Variants in UNC5D observed in about 807,000 individuals in gnomAD.
UNC5D encodes the protein netrin receptor UNC5D.
UNC5D carries 39 observed loss-of-function variants against 105.4 expected under a neutral mutation model. That is an observed-to-expected ratio of 0.37 (90% CI 0.29 to 0.48). UNC5D has a LOEUF of 0.48. Ranked by LOEUF, UNC5D falls within the 20% of genes least tolerant of loss-of-function variation. The pLI, the probability that UNC5D is intolerant of heterozygous loss-of-function variation, is 0.98. For missense variants in UNC5D, 991 were observed against 1,202.4 expected (o/e 0.82, Z 2.60); for synonymous variants, 452 against 450.4 (o/e 1.00, Z -0.04).
chr8:35,630,664 A>T (rs539147836), intron 4 of UNC5D, among the ~76,000 whole-genome samples: 1 of 152,114 alleles, frequency 6.6e-6, no homozygotes, highest in African/African-American at 2.4e-5. Flanking sequence ...ATACCCTCCA[A>T]TCAAATTTTC....
intron 1 of UNC5D, among the ~76,000 whole-genome samples, chr8:35,501,529 A>T (rs1006080703): frequency 1.3e-5 from 2 of 152,240 alleles, no homozygotes; most frequent in African/African-American, 2.4e-5. Flanking sequence ...GTCAAAGCTT[A>T]GCTGAAGATG....
intron 3 of UNC5D, among the ~76,000 whole-genome samples, chr8:35,593,552 A>C (rs1819309107): frequency 6.6e-6 from 1 of 152,192 alleles, no homozygotes; most frequent in Non-Finnish European, 1.5e-5. Flanking sequence ...GTTGGAGACC[A>C]GACTGGGCAA....
intron 4 of UNC5D, among the ~76,000 whole-genome samples, chr8:35,603,351 T>C (rs997152656): frequency 1.3e-5 from 2 of 152,182 alleles, no homozygotes; most frequent in Non-Finnish European, 2.9e-5. Flanking sequence ...AGTTGAGCAG[T>C]TTTGAGTGAG....
chr8:35,549,263 G>C, intron 1 of UNC5D, 29 bp from the exon 2 acceptor site: 2 of 1,609,352 alleles, frequency 1.2e-6, no homozygotes, highest in East Asian at 4.5e-5. Flanking sequence ...AATGTAGGCT[G>C]TGTTCTGATG....
intron 4 of UNC5D, among the ~76,000 whole-genome samples, chr8:35,664,645 C>T (rs1287449926): frequency 1.3e-5 from 2 of 152,106 alleles, no homozygotes; most frequent in Admixed American, 1.3e-4. Context: ...TCCCAAAGTG[C>T]TGAGATTACA....
chr8:35,602,985 C>T (rs1434548691), intron 4 of UNC5D, among the ~76,000 whole-genome samples: 1 of 151,020 alleles, frequency 6.6e-6, no homozygotes, highest in Non-Finnish European at 1.5e-5. Context: ...TTGGTTTTTT[C>T]AGAAAACCAG....
intron 1 of UNC5D, among the ~76,000 whole-genome samples, chr8:35,389,274 C>T (rs1803620281): frequency 1.3e-5 from 2 of 152,024 alleles, no homozygotes; most frequent in African/African-American, 4.8e-5. Flanking sequence ...TATTTGTGGC[C>T]CTCTAAAACT....
At chr8:35,437,644 C>T (rs1011793502) in intron 1 of UNC5D, among the ~76,000 whole-genome samples, 16 of 152,044 alleles carry the variant, frequency 1.1e-4, no homozygotes, top group African/African-American at 3.9e-4. Flanking sequence ...CCCACGGAGT[C>T]TTCTGAATTA....
At chr8:35,266,866 G>T (rs1804911238) in intron 1 of UNC5D, among the ~76,000 whole-genome samples, 1 of 152,176 alleles carries the variant, frequency 6.6e-6, no homozygotes. Context: ...CTGGGAGGAA[G>T]CATCCCAAAA....
rs755359120 is a variant in UNC5D at position 35,568,087 on chromosome 8, C to T, written c.323-11C>T. 6.2e-7 allele frequency: 1 copy of T among 1,613,452 alleles called. No homozygotes were observed. ...CTCAGCTGATTTGTCTCTTATCTCT[C>T]CCACCATCAGGTTTGAAGGTCCGCG... On this transcript the variant is annotated splice_polypyrimidine_tract_variant and intron_variant, in intron 2 of 16. Coordinates refer to ENST00000404895, the MANE Select transcript of UNC5D (RefSeq NM_080872.4).
At chr8:35,489,683 T>C (rs1236991733) in intron 1 of UNC5D, among the ~76,000 whole-genome samples, 1 of 152,210 alleles carries the variant, frequency 6.6e-6, no homozygotes, top group African/African-American at 2.4e-5. Flanking sequence ...ATGTCAGCCC[T>C]AGCAAACTAA....
chr8:35,658,400 A>G (rs1823901370), intron 4 of UNC5D, among the ~76,000 whole-genome samples: 1 of 152,172 alleles, frequency 6.6e-6, no homozygotes, highest in Non-Finnish European at 1.5e-5. Context: ...GTATTGCACC[A>G]TCTTTGAAGC....
At chr8:35,663,217 G>C (rs145852839) in intron 4 of UNC5D, among the ~76,000 whole-genome samples, 1 of 152,198 alleles carries the variant, frequency 6.6e-6, no homozygotes, top group Non-Finnish European at 1.5e-5. Flanking sequence ...ATGCACACCA[G>C]ATCTACTGCT....
At chr8:35,390,886 C>T (rs1334315688) in intron 1 of UNC5D, among the ~76,000 whole-genome samples, 2 of 152,110 alleles carry the variant, frequency 1.3e-5, no homozygotes, top group Admixed American at 1.3e-4. Flanking sequence ...GAGTTAAAAA[C>T]AATAAAAATA....
intron 1 of UNC5D, among the ~76,000 whole-genome samples, chr8:35,275,193 C>G (rs1194153389): frequency 6.6e-6 from 1 of 151,754 alleles, no homozygotes; most frequent in Non-Finnish European, 1.5e-5. Flanking sequence ...CTTCCCCTTT[C>G]ACTTGCTCCC....
Position 35,235,954 on chromosome 8 carries a change from C to T in UNC5D, c.103+67C>T, listed in dbSNP as rs1802427946. ...GGGGCGCCAGCCTGACGGAGCGGGACCTGCACCGATGGCGTTGGCTTCCCA... is the reference window on the plus strand; with the variant it reads ...GGGGCGCCAGCCTGACGGAGCGGGATCTGCACCGATGGCGTTGGCTTCCCA... On this transcript the variant is annotated intron_variant, in intron 1 of 16. Coordinates refer to ENST00000404895, the MANE Select transcript of UNC5D (RefSeq NM_080872.4). The T allele has an allele frequency of 2.5e-6, 3 of 1,197,972 alleles. No individual in the cohort carries two copies. The Admixed American group carries it at 1.3e-4, about 51-fold the overall frequency. 74.2% of individuals were successfully genotyped at this position (1,197,972 alleles called of 1,614,324 possible). A position where few individuals can be genotyped will look rare whatever the true frequency, so the allele number is the denominator to read the frequency against.
At chr8:35,532,351 C>A (rs963933807) in intron 1 of UNC5D, among the ~76,000 whole-genome samples, 1 of 149,068 alleles carries the variant, frequency 6.7e-6, no homozygotes, top group Non-Finnish European at 1.5e-5. Context: ...AAATTCTTTT[C>A]TTTAAGAATG....
intron 4 of UNC5D, among the ~76,000 whole-genome samples, chr8:35,661,919 G>T: frequency 6.6e-6 from 1 of 152,228 alleles, no homozygotes. Context: ...GAGCAAGAGG[G>T]TACATTCCAC....
At chr8:35,487,594 C>CACACACACA (rs1554542234) in intron 1 of UNC5D, among the ~76,000 whole-genome samples, 15,127 of 146,718 alleles carry the variant, frequency 0.1, 995 homozygotes, top group East Asian at 0.23. Context: ...CACACACACA[C>CACACACACA]CCCACAGACT....
Sources: allele counts gnomAD v4.1 joint callset (sites outside exome capture counted in the v4.1 genomes callset), GRCh38; gene constraint gnomAD v4.1.1; transcripts MANE v1.5; gene names NCBI Gene and HGNC (gene_info 2026-07-23, HGNC 2026-07-21).